ASTN2: variants seen among roughly 807,000 people sequenced by gnomAD.
ASTN2 encodes astrotactin 2, also known as astrotactin-2.
A neutral mutation model predicts 139.8 loss-of-function variants in ASTN2; 54 were observed. The observed-to-expected ratio is 0.39, with a 90% CI of 0.31 to 0.48. The LOEUF (loss-of-function observed/expected upper bound fraction) is 0.48. ASTN2 is among the 20% of genes least tolerant of loss of function. The pLI, the probability that ASTN2 is intolerant of heterozygous loss-of-function variation, is 0.95. For synonymous variants in ASTN2, 756 were observed against 719.5 expected (o/e 1.05, Z -0.81); for missense variants, 1,565 against 1,725.1 (o/e 0.91, Z 1.64).
intron 17 of ASTN2, among the ~76,000 whole-genome samples, chr9:116,638,834 A>C (rs1372554971): frequency 1.3e-5 from 2 of 152,224 alleles, no homozygotes; most frequent in African/African-American, 4.8e-5. Flanking sequence ...AATCCAGTAA[A>C]CATGAACAAT....
intron 13 of ASTN2, among the ~76,000 whole-genome samples, chr9:116,784,944 A>AT (rs1315640980): frequency 2.0e-5 from 3 of 151,946 alleles, no homozygotes; most frequent in Non-Finnish European, 4.4e-5. Flanking sequence ...AAAAAAAAAA[A>AT]AAAAAATAAG....
chr9:116,432,510 T>C (rs1422352437), intron 22 of ASTN2, among the ~76,000 whole-genome samples: 1 of 152,168 alleles, frequency 6.6e-6, no homozygotes, highest in Non-Finnish European at 1.5e-5. Context: ...CAAAATCTAT[T>C]GTTCAGGATA....
intron 13 of ASTN2, among the ~76,000 whole-genome samples, chr9:116,767,372 G>A (rs2132178327): frequency 6.6e-6 from 1 of 152,292 alleles, no homozygotes; most frequent in Non-Finnish European, 1.5e-5. Context: ...TGATTGTTCA[G>A]GTTTAATTAA....
chr9:116,890,202 G>A (rs1833729092), intron 10 of ASTN2, among the ~76,000 whole-genome samples: 1 of 152,076 alleles, frequency 6.6e-6, no homozygotes, highest in Non-Finnish European at 1.5e-5. Context: ...ATGCCAAAGG[G>A]GACAATCATT....
At chr9:116,814,716 A>G (rs1323874388) in intron 12 of ASTN2, among the ~76,000 whole-genome samples, 2 of 152,214 alleles carry the variant, frequency 1.3e-5, no homozygotes, top group East Asian at 3.8e-4. Context: ...CCCCAGGCAC[A>G]CTGGGAACCT....
At chr9:116,921,569 C>A (rs1453163329) in intron 10 of ASTN2, among the ~76,000 whole-genome samples, 1 of 133,728 alleles carries the variant, frequency 7.5e-6, no homozygotes, top group Non-Finnish European at 1.5e-5. Context: ...GCCTGGGCGA[C>A]CGAGCGAGAC....
intron 19 of ASTN2, among the ~76,000 whole-genome samples, chr9:116,565,388 CAT>C (rs1164878126): frequency 4.7e-4 from 16 of 34,018 alleles, no homozygotes; most frequent in South Asian, 4.3e-3. Context: ...TCTCTCTCTC[CAT>C]ATATATATAT....
At chr9:117,250,844 G>A (rs918119183) in intron 2 of ASTN2, among the ~76,000 whole-genome samples, 1 of 152,116 alleles carries the variant, frequency 6.6e-6, no homozygotes, top group East Asian at 1.9e-4. Flanking sequence ...GGTCCCCAAG[G>A]GCTTCTAGGA....
chr9:116,489,163 G>C (rs1294204524), intron 19 of ASTN2, among the ~76,000 whole-genome samples: 1 of 152,108 alleles, frequency 6.6e-6, no homozygotes, highest in Non-Finnish European at 1.5e-5. Flanking sequence ...ACAATGTCAT[G>C]AAACCATAAA....
chr9:117,272,808 C>T (rs993658927), intron 2 of ASTN2, among the ~76,000 whole-genome samples: 1 of 152,150 alleles, frequency 6.6e-6, no homozygotes, highest in Non-Finnish European at 1.5e-5. Context: ...CGGCCTGGAC[C>T]TTATTGTTCA....
At position 117,414,749 on chromosome 9, in the gene ASTN2, G is replaced by C. The variant is rs941650254; in HGVS notation, c.190C>G (p.Arg64Gly). Residue 64 changes from arginine to glycine, a missense_variant, in exon 1 of 23, where the codon CGG (arginine) becomes GGG (glycine). Transcript: ENST00000313400. This position sits in a 1 kb window ranked among gnomAD's most constrained non-coding sequence, Gnocchi z 4.2. ...AASREPDSPC[R>G]LKTVTVSTLP... ...GTGGACACCGTGACGGTCTTCAGCC[G>C]GCACGGGCTGTCGGGCTCCCGCGAG... is the stretch of plus-strand genomic sequence containing the variant. The C allele has an allele frequency of 2.4e-6, 3 of 1,271,154 alleles. No individual in the cohort carries two copies. The highest frequency in any genetic ancestry group is 3.0e-6 in the Non-Finnish European group (3 of 1,007,372). The allele number at this position is 1,271,154 out of a possible 1,614,324, so 78.7% of individuals were successfully genotyped here. A position where few individuals can be genotyped will look rare whatever the true frequency, so the allele number is the denominator to read the frequency against.
chr9:116,563,245 G>A (rs892813073), intron 19 of ASTN2, among the ~76,000 whole-genome samples: 1 of 151,768 alleles, frequency 6.6e-6, no homozygotes, highest in East Asian at 1.9e-4. Context: ...TGCGGGGGTG[G>A]GTGCCTATAG....
At chr9:117,260,536 C>T (rs1833797829) in intron 2 of ASTN2, among the ~76,000 whole-genome samples, 2 of 152,096 alleles carry the variant, frequency 1.3e-5, no homozygotes, top group Admixed American at 6.6e-5. Flanking sequence ...AATCAAGAAT[C>T]GACAACCTAC....
chr9:117,081,070 A>C lies in ASTN2; in HGVS notation c.1276+14974T>G, dbSNP rs1828415360. 2.6e-5 allele frequency among the ~76,000 whole-genome samples: 4 copies of C among 152,288 alleles called. No individual in the cohort carries two copies. In the South Asian group the frequency reaches 8.3e-4, roughly 32 times the overall value. ...CTCCAATTAGAAAAGGCATATGGCA[A>C]ATTTGCCCAATGGGAGCTGTGGAAG... is the stretch of plus-strand genomic sequence containing the variant. On this transcript the variant is annotated intron_variant, in intron 5 of 22. Transcript: ENST00000313400.
intron 13 of ASTN2, among the ~76,000 whole-genome samples, chr9:116,779,930 C>T (rs185286926): frequency 7.2e-5 from 11 of 152,304 alleles, no homozygotes; most frequent in African/African-American, 2.6e-4. Flanking sequence ...CAATCATTTA[C>T]ACACTTATTA....
chr9:116,956,392 C>T (rs1039440801), intron 10 of ASTN2, among the ~76,000 whole-genome samples: 3 of 148,768 alleles, frequency 2.0e-5, no homozygotes, highest in Admixed American at 1.3e-4. Flanking sequence ...AGACACTGCG[C>T]CCAGCCAACT....
At chr9:116,877,054 C>A (rs1333391817) in intron 10 of ASTN2, among the ~76,000 whole-genome samples, 1 of 152,148 alleles carries the variant, frequency 6.6e-6, no homozygotes, top group Non-Finnish European at 1.5e-5. Context: ...AAATTGTAAA[C>A]CAAACCTATC....
intron 3 of ASTN2, among the ~76,000 whole-genome samples, chr9:117,156,160 A>G (rs1232171960): frequency 6.6e-6 from 1 of 152,084 alleles, no homozygotes; most frequent in African/African-American, 2.4e-5. Context: ...GTGTATTGCT[A>G]TAGCTGCACC....
At chr9:116,431,678 C>T (rs1446409877) in intron 22 of ASTN2, among the ~76,000 whole-genome samples, 2 of 151,308 alleles carry the variant, frequency 1.3e-5, no homozygotes, top group African/African-American at 4.9e-5. Flanking sequence ...ATAATGACTA[C>T]AATTTATTGA....
Sources: allele counts gnomAD v4.1 joint callset (sites outside exome capture counted in the v4.1 genomes callset), GRCh38; gene constraint gnomAD v4.1.1; non-coding constraint Gnocchi (gnomAD v3.1); transcripts MANE v1.5; gene names NCBI Gene and HGNC (gene_info 2026-07-23, HGNC 2026-07-21).